The following SEMA4D variants were observed in gnomAD, a reference collection of about 807,000 sequenced individuals.
SEMA4D encodes the protein semaphorin-4D.
Under a neutral mutation model 74.8 loss-of-function variants are expected in SEMA4D, and 22 were observed. The observed-to-expected ratio is 0.29, with a 90% confidence interval of 0.21 to 0.42. SEMA4D has a LOEUF of 0.42. SEMA4D is among the 10% of genes least tolerant of loss of function. The pLI, the probability that SEMA4D is intolerant of heterozygous loss-of-function variation, is 1.00. For synonymous variants in SEMA4D, 445 were observed against 463.7 expected, an observed-to-expected ratio of 0.96 and a Z score of 0.52; for missense variants, 937 against 1,118.4, an observed-to-expected ratio of 0.84 and a Z score of 2.31.
Position 89,388,811 on chromosome 9 carries a change from T to C in SEMA4D, c.951-19A>G, listed in dbSNP as rs763586959. On this transcript the variant is annotated intron_variant, in intron 10 of 15. Coordinates refer to ENST00000422704, the MANE Select transcript of SEMA4D (RefSeq NM_001371194.2). ...GTTGTTCCTGGGGAGGGGAAAGAGG[T>C]GACGGGACCACCTGGCGGCATCAAG... is the stretch of plus-strand genomic sequence containing the variant. The C allele has an allele frequency of 6.2e-7, 1 of 1,604,798 alleles. No homozygotes were observed. The highest frequency in any genetic ancestry group is 1.1e-5 in the South Asian group (1 of 90,896).
chr9:89,410,984 C>T (rs1294252888), intron 2 of SEMA4D, among the ~76,000 whole-genome samples: 3 of 152,180 alleles, frequency 2.0e-5, no homozygotes, highest in Non-Finnish European at 4.4e-5. Flanking sequence ...GTTTTACCTC[C>T]CTCAGCTTCT....
At chr9:89,365,056 G>A (rs2132264385) in intron 16 of SEMA4D, 1 of 152,464 alleles carries the variant, frequency 6.6e-6, no homozygotes, top group African/African-American at 2.4e-5. Flanking sequence ...TGTTGGGACA[G>A]GCTCAACTCC....
intron 13 of SEMA4D, chr9:89,385,331 T>A (rs902266316): frequency 9.1e-6 from 9 of 985,252 alleles, no homozygotes; most frequent in Non-Finnish European, 1.1e-5. Flanking sequence ...ATTTTAGAGA[T>A]GTTGTAGGTG....
chr9:89,453,422 A>G (rs918269917), intron 2 of SEMA4D, among the ~76,000 whole-genome samples: 1 of 152,256 alleles, frequency 6.6e-6, no homozygotes, highest in African/African-American at 2.4e-5. Context: ...TGGCTCCCCC[A>G]GACAGATGTC....
intron 1 of SEMA4D, among the ~76,000 whole-genome samples, chr9:89,496,717 A>G (rs1826042919): frequency 6.6e-6 from 1 of 152,364 alleles, no homozygotes; most frequent in East Asian, 1.9e-4. Flanking sequence ...CACTGGCCAG[A>G]GCTGCCTGTT....
At chr9:89,494,521 T>C (rs556291438) in intron 1 of SEMA4D, among the ~76,000 whole-genome samples, 1 of 152,316 alleles carries the variant, frequency 6.6e-6, no homozygotes, top group African/African-American at 2.4e-5. Flanking sequence ...ACATTCTCTA[T>C]AGTCTACACT....
exon 19 of SEMA4D, chr9:89,361,277 G>GCTGATCC (rs1832740034): frequency 6.6e-6 from 1 of 152,248 alleles, no homozygotes; most frequent in African/African-American, 2.4e-5. Flanking sequence ...GGCGATGTAT[G>GCTGATCC]CTGATCCCAC....
intron 18 of SEMA4D, chr9:89,363,359 T>C (rs1833046080): frequency 1.3e-6 from 2 of 1,590,830 alleles, no homozygotes. Context: ...CCTTGAAAGA[T>C]CCACTGGATG....
intron 2 of SEMA4D, 181 bp from the exon 3 acceptor site, chr9:89,405,880 G>C: frequency 3.3e-6 from 4 of 1,229,586 alleles, no homozygotes; most frequent in Non-Finnish European, 4.1e-6. Flanking sequence ...ACAGGAAAGC[G>C]AAGCCAGGGT....
chr9:89,471,894 G>A (rs1860417851), intron 1 of SEMA4D, among the ~76,000 whole-genome samples: 1 of 145,862 alleles, frequency 6.9e-6, no homozygotes, highest in Non-Finnish European at 1.5e-5. Flanking sequence ...GCCAGACAGG[G>A]TGCACACTGG....
In SEMA4D at chr9:89,449,476, G is replaced by A. The variant is rs1005047550; in HGVS notation, c.-244+6412C>T. 12 of 716,372 alleles carry A rather than the reference G, an allele frequency of 1.7e-5. No homozygotes were observed. In the African/African-American group the frequency reaches 1.7e-4, roughly 10 times the overall value. 44.4% of individuals were successfully genotyped at this position (716,372 alleles called of 1,614,324 possible). A position where few individuals can be genotyped will look rare whatever the true frequency, so the allele number is the denominator to read the frequency against. On this transcript the variant is annotated intron_variant, in intron 2 of 15. Coordinates refer to ENST00000422704, the MANE Select transcript of SEMA4D (RefSeq NM_001371194.2). ...GGCCCTCTCCTCGAGGATCGAGGGA[G>A]CTCTGACCACAGCCTGTGGCTGGGA... is the stretch of plus-strand genomic sequence containing the variant.
intron 6 of SEMA4D, among the ~76,000 whole-genome samples, chr9:89,396,051 G>A (rs1048540432): frequency 2.0e-5 from 3 of 152,148 alleles, no homozygotes; most frequent in Non-Finnish European, 4.4e-5. Context: ...AGAAAGGACC[G>A]TCACACAGGG....
At chr9:89,455,250 C>A (rs571304393) in intron 2 of SEMA4D, among the ~76,000 whole-genome samples, 32 of 152,354 alleles carry the variant, frequency 2.1e-4, no homozygotes, top group African/African-American at 7.5e-4. Flanking sequence ...CAACAAGCAG[C>A]CCCTTCGTCC....
chr9:89,453,152 G>A (rs985628097), intron 2 of SEMA4D, among the ~76,000 whole-genome samples: 1 of 152,166 alleles, frequency 6.6e-6, no homozygotes, highest in Non-Finnish European at 1.5e-5. Context: ...CCCAGTGCAG[G>A]TGAAGCAGCC....
At chr9:89,473,595 G>T (rs1197885709) in intron 1 of SEMA4D, among the ~76,000 whole-genome samples, 1 of 152,170 alleles carries the variant, frequency 6.6e-6, no homozygotes, top group African/African-American at 2.4e-5. Flanking sequence ...GGTGCCTCAT[G>T]CCTGTAATCC....
At chr9:89,470,428 T>C (rs1859870291) in intron 1 of SEMA4D, among the ~76,000 whole-genome samples, 1 of 152,214 alleles carries the variant, frequency 6.6e-6, no homozygotes, top group Non-Finnish European at 1.5e-5. Context: ...AAAACCACAA[T>C]GAGCACATTA....
In SEMA4D at chr9:89,405,459, G is replaced by C. The variant is rs760711900; in HGVS notation, c.-3C>G. On this transcript the variant is annotated 5_prime_UTR_variant, in exon 3 of 16. Transcript: ENST00000422704. ...CTAATGGGGGTGCACATCCTCATCAGGTAGAGGCGACCCCAGGGGCTTCAG... is the reference window on the plus strand; with the variant it reads ...CTAATGGGGGTGCACATCCTCATCACGTAGAGGCGACCCCAGGGGCTTCAG... The C allele has an allele frequency of 6.2e-7, 1 of 1,613,378 alleles. No individual in the cohort carries two copies. The highest frequency in any genetic ancestry group is 1.1e-5 in the South Asian group (1 of 91,082).
At chr9:89,450,328 T>C in intron 2 of SEMA4D, 2 of 928,574 alleles carry the variant, frequency 2.2e-6, no homozygotes, top group Non-Finnish European at 3.6e-6. Context: ...CAGTATGGAC[T>C]GAAAATGAAA....
At chr9:89,432,268 G>A (rs1215539546) in intron 2 of SEMA4D, among the ~76,000 whole-genome samples, 1 of 152,234 alleles carries the variant, frequency 6.6e-6, no homozygotes, top group Non-Finnish European at 1.5e-5. Flanking sequence ...TTATATAAGT[G>A]TACTACCACA....
Sources: allele counts gnomAD v4.1 joint callset (sites outside exome capture counted in the v4.1 genomes callset), GRCh38; gene constraint gnomAD v4.1.1; transcripts MANE v1.5; gene names NCBI Gene and HGNC (gene_info 2026-07-23, HGNC 2026-07-21).